SLC39A9: variants seen among roughly 807,000 people sequenced by gnomAD.
SLC39A9 encodes the protein zinc transporter ZIP9.
A neutral mutation model predicts 28.4 loss-of-function variants in SLC39A9; 14 were observed. The observed-to-expected ratio is 0.49, with a 90% CI of 0.33 to 0.77. The LOEUF (loss-of-function observed/expected upper bound fraction) is 0.77. Ranked by LOEUF, SLC39A9 falls within the 30% of genes least tolerant of loss-of-function variation. The pLI is 0.02. For missense variants in SLC39A9, 283 were observed against 381.1 expected, an observed-to-expected ratio of 0.74 and a Z score of 2.14; for synonymous variants, 119 against 149.6, an observed-to-expected ratio of 0.80 and a Z score of 1.49.
At chr14:69,413,176 G>A (rs1883366986) in intron 1 of SLC39A9, among the ~76,000 whole-genome samples, 1 of 152,108 alleles carries the variant, frequency 6.6e-6, no homozygotes, top group Non-Finnish European at 1.5e-5. Flanking sequence ...CTAACATGGT[G>A]AAACCCTGTC....
At chr14:69,415,274 A>G (rs1883506288) in intron 1 of SLC39A9, among the ~76,000 whole-genome samples, 3 of 152,178 alleles carry the variant, frequency 2.0e-5, no homozygotes, top group Admixed American at 1.3e-4. Flanking sequence ...GTTGCTCTAT[A>G]TCTTGTAATT....
intron 1 of SLC39A9, among the ~76,000 whole-genome samples, chr14:69,412,857 A>C (rs1478914527): frequency 1.3e-5 from 2 of 152,210 alleles, no homozygotes; most frequent in African/African-American, 4.8e-5. Context: ...TGAACTGAAA[A>C]CAATACAATA....
intron 2 of SLC39A9, among the ~76,000 whole-genome samples, chr14:69,430,621 T>A (rs1386452261): frequency 9.0e-6 from 1 of 111,658 alleles, no homozygotes; most frequent in Non-Finnish European, 1.8e-5. Flanking sequence ...TGTTCTTATT[T>A]TTCTTTCTTT....
intron 1 of SLC39A9, among the ~76,000 whole-genome samples, chr14:69,420,713 T>C (rs1258008004): frequency 2.0e-5 from 3 of 152,206 alleles, no homozygotes; most frequent in African/African-American, 4.8e-5. Context: ...ACTCTTTTTT[T>C]CTCTAAACTT....
At chr14:69,404,331 A>G (rs1013434781) in intron 1 of SLC39A9, among the ~76,000 whole-genome samples, 17 of 152,212 alleles carry the variant, frequency 1.1e-4, no homozygotes, top group African/African-American at 2.7e-4. Flanking sequence ...TTCAAAAGGG[A>G]CTGTCTGAGA....
chr14:69,403,966 C>G (rs1882777758), intron 1 of SLC39A9, among the ~76,000 whole-genome samples: 1 of 152,210 alleles, frequency 6.6e-6, no homozygotes, highest in Non-Finnish European at 1.5e-5. Context: ...TCGCTTGAAC[C>G]TGGGAGGCGG....
intron 3 of SLC39A9, among the ~76,000 whole-genome samples, chr14:69,443,310 C>A (rs984709248): frequency 2.6e-5 from 4 of 152,208 alleles, no homozygotes; most frequent in Non-Finnish European, 5.9e-5. Flanking sequence ...AGCCTTGTGA[C>A]TATCACTGTT....
chr14:69,426,649 T>C (rs1409031670), intron 2 of SLC39A9, among the ~76,000 whole-genome samples: 2 of 152,184 alleles, frequency 1.3e-5, no homozygotes, highest in East Asian at 3.9e-4. Context: ...CCCAAGGGTT[T>C]AGGATCGTAC....
At chr14:69,457,472 A>G (rs1034998532) in intron 6 of SLC39A9, among the ~76,000 whole-genome samples, 2 of 152,144 alleles carry the variant, frequency 1.3e-5, no homozygotes, top group Non-Finnish European at 2.9e-5. Context: ...AAGTGCTGGG[A>G]TTACAGGCAT....
rs1364890512 is a variant in SLC39A9, at chr14:69,459,564, T to G, written c.*971T>G. ...GGTTGTCCTTTTTTTTTGTTTTTTT[T>G]TTTTTTAATTATTTCTCTTAGCAGA... On this transcript the variant is annotated 3_prime_UTR_variant, in exon 7 of 7. Coordinates refer to ENST00000336643, the MANE Select transcript of SLC39A9 (RefSeq NM_018375.5). 6 of 980,144 alleles carry G rather than the reference T, an allele frequency of 6.1e-6. No individual in the cohort carries two copies. The highest frequency in any genetic ancestry group is 1.7e-5 in the African/African-American group (1 of 57,212). 60.7% of individuals were successfully genotyped at this position (980,144 alleles called of 1,614,324 possible). A position where few individuals can be genotyped will look rare whatever the true frequency, so the allele number is the denominator to read the frequency against.
intron 1 of SLC39A9, among the ~76,000 whole-genome samples, chr14:69,406,002 A>T (rs1189661083): frequency 2.0e-5 from 3 of 152,206 alleles, no homozygotes; most frequent in Non-Finnish European, 4.4e-5. Context: ...TGTGATTTGG[A>T]ACTAAGTCAT....
In SLC39A9 at chr14:69,461,167, A is replaced by G; in HGVS notation, c.*2574A>G. Reference sequence around the variant, plus strand: ...ATTGGCTACCAAAGAGACGCAATTGATGATGAGAAGCATGATTCTTGCTTC... The same window carrying G: ...ATTGGCTACCAAAGAGACGCAATTGGTGATGAGAAGCATGATTCTTGCTTC... On this transcript the variant is annotated 3_prime_UTR_variant, in exon 7 of 7. Coordinates refer to ENST00000336643, the MANE Select transcript of SLC39A9 (RefSeq NM_018375.5). 1.0e-6 allele frequency: 1 copy of G among 987,296 alleles called. No individual in the cohort carries two copies. The highest frequency in any genetic ancestry group is 1.2e-6 in the Non-Finnish European group (1 of 831,134). 61.2% of individuals were successfully genotyped at this position (987,296 alleles called of 1,614,324 possible). A position where few individuals can be genotyped will look rare whatever the true frequency, so the allele number is the denominator to read the frequency against.
intron 1 of SLC39A9, among the ~76,000 whole-genome samples, chr14:69,412,145 T>C (rs1010191655): frequency 6.6e-6 from 1 of 151,464 alleles, no homozygotes; most frequent in Admixed American, 6.6e-5. Context: ...ATCCCAGCAC[T>C]TTGGGAGGCC....
At chr14:69,424,046 C>T (rs368668200) in intron 1 of SLC39A9, 48 bp from the exon 2 acceptor site, 74 of 1,417,868 alleles carry the variant, frequency 5.2e-5, no homozygotes, top group Non-Finnish European at 7.1e-5. Context: ...AAACTTTTTC[C>T]CATTAATTAA....
intron 1 of SLC39A9, among the ~76,000 whole-genome samples, chr14:69,421,948 C>G (rs1056088186): frequency 1.3e-5 from 2 of 152,160 alleles, no homozygotes; most frequent in African/African-American, 4.8e-5. Flanking sequence ...TCCCCTGACC[C>G]CTTGCGCTTC....
intron 1 of SLC39A9, among the ~76,000 whole-genome samples, chr14:69,405,264 A>G (rs558379139): frequency 7.2e-4 from 110 of 152,330 alleles, no homozygotes; most frequent in African/African-American, 2.5e-3. Flanking sequence ...GGTTTGAGTT[A>G]CCCGCAAATC....
At chr14:69,406,580 C>T (rs950555108) in intron 1 of SLC39A9, among the ~76,000 whole-genome samples, 3 of 151,314 alleles carry the variant, frequency 2.0e-5, no homozygotes, top group South Asian at 4.2e-4. Flanking sequence ...CCCAGCTACT[C>T]GGGAGGCTGA....
intron 1 of SLC39A9, among the ~76,000 whole-genome samples, chr14:69,418,619 C>A (rs188189593): frequency 6.6e-6 from 1 of 151,942 alleles, no homozygotes; most frequent in Non-Finnish European, 1.5e-5. Flanking sequence ...AGAATTCGGC[C>A]GTGAATCTGT....
intron 5 of SLC39A9, among the ~76,000 whole-genome samples, 176 bp downstream of exon 5, chr14:69,455,073 T>G (rs1885794776): frequency 6.6e-6 from 1 of 152,220 alleles, no homozygotes; most frequent in African/African-American, 2.4e-5. Flanking sequence ...CTTAAGCTTT[T>G]CCTTGAGGGG....
Sources: allele counts gnomAD v4.1 joint callset (sites outside exome capture counted in the v4.1 genomes callset), GRCh38; gene constraint gnomAD v4.1.1; transcripts MANE v1.5; gene names NCBI Gene and HGNC (gene_info 2026-07-23, HGNC 2026-07-21).